ONECUT2: variants seen among roughly 807,000 people sequenced by gnomAD.
ONECUT2 encodes one cut domain family member 2.
In ONECUT2, 10 loss-of-function variants were observed where a neutral mutation model predicts 27.9. The ratio of observed to expected loss-of-function variants is 0.36; its 90% CI spans 0.22 to 0.61. The LOEUF (loss-of-function observed/expected upper bound fraction) is 0.61. Among genes scored for constraint, ONECUT2 ranks in the 20% least tolerant of loss-of-function variants. The pLI, the probability that ONECUT2 is intolerant of heterozygous loss-of-function variation, is 0.73. For missense variants in ONECUT2, 686 were observed against 721.0 expected (o/e 0.95, Z 0.56); for synonymous variants, 334 against 315.1 (o/e 1.06, Z -0.64).
intron 1 of ONECUT2, among the ~76,000 whole-genome samples, chr18:57,443,087 G>A (rs972955755): frequency 2.0e-5 from 3 of 152,160 alleles, no homozygotes; most frequent in African/African-American, 7.2e-5. Flanking sequence ...GAAAGTCCTG[G>A]GCTCCACACT....
At chr18:57,474,703 T>G (rs28722501) in intron 1 of ONECUT2, among the ~76,000 whole-genome samples, 1 of 152,038 alleles carries the variant, frequency 6.6e-6, no homozygotes, top group Admixed American at 6.6e-5. Flanking sequence ...ACATATGAAT[T>G]TTTGGGGGGA....
rs960810968 is a variant in ONECUT2, at chr18:57,481,432, C to A, written c.*4709C>A. The A allele has an allele frequency of 6.6e-5, 10 of 152,198 alleles. No individual in the cohort carries two copies. The highest frequency in any genetic ancestry group is 8.8e-5 in the Non-Finnish European group (6 of 68,032). 9.4% of individuals were successfully genotyped at this position (152,198 alleles called of 1,614,324 possible). On this transcript the variant is annotated 3_prime_UTR_variant, in exon 2 of 2. Coordinates refer to ENST00000491143, the MANE Select transcript of ONECUT2 (RefSeq NM_004852.3). ...TAAAATCAACATTTGGAATGTAAAT[C>A]TGATACACACACACTTTTCTAAGTC...
intron 1 of ONECUT2, among the ~76,000 whole-genome samples, chr18:57,445,361 A>G (rs921068811): frequency 3.3e-5 from 5 of 152,220 alleles, no homozygotes; most frequent in Non-Finnish European, 7.3e-5. Flanking sequence ...CGCAATAGGA[A>G]TTGCCAGATA....
At chr18:57,444,876 G>A (rs2050193104) in intron 1 of ONECUT2, among the ~76,000 whole-genome samples, 1 of 152,140 alleles carries the variant, frequency 6.6e-6, no homozygotes, top group African/African-American at 2.4e-5. Context: ...AATGGGAAGG[G>A]GGGTGGGAAG....
rs531113627 is a variant in ONECUT2, at chr18:57,488,123, A to G, written c.*11400A>G. 2.6e-5 allele frequency: 4 copies of G among 152,630 alleles called. No individual in the cohort carries two copies. The highest frequency in any genetic ancestry group is 5.9e-5 in the Non-Finnish European group (4 of 68,038). The allele number at this position is 152,630 out of a possible 1,614,324, so 9.5% of individuals were successfully genotyped here. A position where few individuals can be genotyped will look rare whatever the true frequency, so the allele number is the denominator to read the frequency against. ...GCTCTCGTGAATAATAAAAAGCAAC[A>G]TATTTTTATTTGGCCTTATAAATTA... On this transcript the variant is annotated 3_prime_UTR_variant, in exon 2 of 2. Transcript: ENST00000491143.
chr18:57,447,242 T>A (rs962443097), intron 1 of ONECUT2, among the ~76,000 whole-genome samples: 4 of 152,238 alleles, frequency 2.6e-5, no homozygotes, highest in Admixed American at 2.6e-4. Flanking sequence ...GCAGAGCGCC[T>A]GTGGGTGGGT....
At chr18:57,463,818 C>A (rs1331018926) in intron 1 of ONECUT2, among the ~76,000 whole-genome samples, 1 of 152,138 alleles carries the variant, frequency 6.6e-6, no homozygotes, top group Non-Finnish European at 1.5e-5. Flanking sequence ...TAGAATCTTA[C>A]TAAATTCTCA....
chr18:57,463,144 T>C (rs2849422), intron 1 of ONECUT2, among the ~76,000 whole-genome samples: 17,279 of 152,238 alleles, frequency 0.11, 1,041 homozygotes, highest in Middle Eastern at 0.21. Context: ...AAGAATTACA[T>C]TGTGACACAA....
Position 57,481,147 on chromosome 18 carries a change from G to T in ONECUT2, c.*4424G>T, listed in dbSNP as rs918249845. The T allele has an allele frequency of 8.6e-5, 13 of 151,158 alleles. No homozygotes were observed. Among genetic ancestry groups the T allele is most frequent in the African/African-American group, 3.2e-4 (13 of 41,266 alleles). 9.4% of individuals were successfully genotyped at this position (151,158 alleles called of 1,614,324 possible). A position where few individuals can be genotyped will look rare whatever the true frequency, so the allele number is the denominator to read the frequency against. ...AGGAAATAATAAAAAAAAACAGACA[G>T]AGCCAATACATTTCTTTTTTTAAAG... On this transcript the variant is annotated 3_prime_UTR_variant, in exon 2 of 2. Coordinates refer to ENST00000491143, the MANE Select transcript of ONECUT2 (RefSeq NM_004852.3).
chr18:57,460,623 G>A (rs1184836522), intron 1 of ONECUT2, among the ~76,000 whole-genome samples: 1 of 149,874 alleles, frequency 6.7e-6, no homozygotes, highest in East Asian at 1.9e-4. Context: ...GAATCAGCTT[G>A]AATTTATATA....
chr18:57,436,507 C>G lies in ONECUT2; in HGVS notation c.791C>G (p.Ala264Gly). ...AAAATGCTCAGCCCCAACTTCGACG[C>G]GCACCACACTGCCATGCTGACCCGC... ...HDKMLSPNFD[A>G]HHTAMLTRGE... is the part of the protein sequence containing the mutation. Residue 264 changes from alanine (A) to glycine (G), a missense_variant, in exon 1 of 2, where the codon GCG becomes GGG. Around this residue, in one of 4 missense-constraint regions of ONECUT2, gnomAD observed 511 missense variants for 488.1 expected, o/e 1.05. Coordinates refer to ENST00000491143, the MANE Select transcript of ONECUT2 (RefSeq NM_004852.3). The surrounding 1 kb of genome is among the most constrained non-coding windows in gnomAD (Gnocchi z 5.9). 1 of 1,613,304 alleles carries G rather than the reference C, an allele frequency of 6.2e-7. No homozygotes were observed. The highest frequency in any genetic ancestry group is 1.7e-5 in the Admixed American group (1 of 60,030).
At chr18:57,439,291 AC>A (rs2144288881) in intron 1 of ONECUT2, among the ~76,000 whole-genome samples, 1 of 152,332 alleles carries the variant, frequency 6.6e-6, no homozygotes, top group South Asian at 2.1e-4. Context: ...AGCACTGCCC[AC>A]GCTGCTAGAT....
intron 1 of ONECUT2, among the ~76,000 whole-genome samples, chr18:57,440,524 G>C (rs1262264957): frequency 1.3e-5 from 2 of 152,204 alleles, no homozygotes; most frequent in Non-Finnish European, 2.9e-5. Context: ...TCCGACGCAC[G>C]GCCCTCTCCT....
At chr18:57,449,407 G>A (rs930213730) in intron 1 of ONECUT2, among the ~76,000 whole-genome samples, 5 of 152,210 alleles carry the variant, frequency 3.3e-5, no homozygotes, top group African/African-American at 4.8e-5. Context: ...TGGCATCTGA[G>A]TAGGAATCAT....
intron 1 of ONECUT2, chr18:57,444,528 C>A (rs781527406): frequency 4.6e-6 from 2 of 437,350 alleles, no homozygotes; most frequent in Non-Finnish European, 4.6e-6. Context: ...TGCCCTACTG[C>A]GTCCTCCTGG....
At chr18:57,446,473 G>T (rs1215566481) in intron 1 of ONECUT2, among the ~76,000 whole-genome samples, 1 of 152,124 alleles carries the variant, frequency 6.6e-6, no homozygotes, top group East Asian at 1.9e-4. Flanking sequence ...TGGAAGAAAG[G>T]TTTCAAGTGG....
At chr18:57,474,052 A>G (rs2050368389) in intron 1 of ONECUT2, among the ~76,000 whole-genome samples, 1 of 152,200 alleles carries the variant, frequency 6.6e-6, no homozygotes, top group Non-Finnish European at 1.5e-5. Flanking sequence ...GATGAAAACA[A>G]ATTGTTTTTA....
intron 1 of ONECUT2, among the ~76,000 whole-genome samples, chr18:57,462,704 A>G (rs1598938896): frequency 7.3e-6 from 1 of 137,394 alleles, no homozygotes; most frequent in South Asian, 2.4e-4. Context: ...ATGAAGAATT[A>G]CCCTATGTTA....
intron 1 of ONECUT2, among the ~76,000 whole-genome samples, chr18:57,443,363 G>A (rs1166162395): frequency 6.6e-6 from 1 of 152,086 alleles, no homozygotes; most frequent in African/African-American, 2.4e-5. Flanking sequence ...ACCCTTTTAG[G>A]GACCTTTGTT....
Sources: gnomAD v4.1 joint callset for allele counts (sites outside exome capture counted in the v4.1 genomes callset) on GRCh38, gnomAD v4.1.1 for gene constraint, gnomAD v4.1.1 regional missense constraint, Gnocchi (gnomAD v3.1) non-coding constraint, MANE v1.5 for transcripts, NCBI Gene and HGNC (gene_info 2026-07-23, HGNC 2026-07-21) for gene names.